The following RAB2A variants were observed in gnomAD, a reference collection of about 807,000 sequenced individuals.
RAB2A encodes RAB2A, member RAS oncogene family, also known as ras-related protein Rab-2A.
Under a neutral mutation model 32.5 loss-of-function variants are expected in RAB2A, and 7 were observed. The ratio of observed to expected loss-of-function variants is 0.22; its 90% CI spans 0.12 to 0.40. RAB2A has a LOEUF of 0.40. Ranked by LOEUF, RAB2A falls within the 10% of genes least tolerant of loss-of-function variation. The probability of loss-of-function intolerance (pLI) is 1.00; values close to 1 mark genes in which losing one functional copy is unlikely to be tolerated. For synonymous variants in RAB2A, 79 were observed against 85.2 expected (o/e 0.93, Z 0.40); for missense variants, 108 against 260.7 (o/e 0.41, Z 4.03).
chr8:60,562,672 ATATT>A (rs1160351742), intron 2 of RAB2A, among the ~76,000 whole-genome samples: 1 of 152,238 alleles, frequency 6.6e-6, no homozygotes, highest in Admixed American at 6.5e-5. Flanking sequence ...AGCAAACAGA[ATATT>A]TAGGATCATA....
intron 6 of RAB2A, among the ~76,000 whole-genome samples, chr8:60,603,441 A>G (rs1375149142): frequency 6.6e-6 from 1 of 152,246 alleles, no homozygotes; most frequent in Middle Eastern, 3.2e-3. Flanking sequence ...GTTGCTGGAA[A>G]TAAGTTTACT....
At chr8:60,586,972 C>G (rs183049228) in intron 5 of RAB2A, among the ~76,000 whole-genome samples, 251 of 149,786 alleles carry the variant, frequency 1.7e-3, no homozygotes, top group African/African-American at 5.7e-3. Flanking sequence ...TAACCCTAAT[C>G]AAACTATCAA....
intron 1 of RAB2A, among the ~76,000 whole-genome samples, chr8:60,524,736 G>A (rs1490698603): frequency 1.3e-5 from 2 of 152,188 alleles, no homozygotes; most frequent in African/African-American, 4.8e-5. Flanking sequence ...CCAGACATCA[G>A]TATTTTTAAA....
intron 6 of RAB2A, among the ~76,000 whole-genome samples, chr8:60,592,513 TTTAA>T (rs1301158143): frequency 6.6e-6 from 1 of 151,034 alleles, no homozygotes; most frequent in Non-Finnish European, 1.5e-5. Flanking sequence ...TGCTTATTTT[TTTAA>T]TTTTATTTAT....
At chr8:60,568,686 A>G (rs1409595235) in intron 2 of RAB2A, among the ~76,000 whole-genome samples, 1 of 152,216 alleles carries the variant, frequency 6.6e-6, no homozygotes, top group East Asian at 1.9e-4. Flanking sequence ...GTACCTATTC[A>G]GAGTATTTGA....
At position 60,529,055 on chromosome 8, in the gene RAB2A, C is replaced by G. The variant is rs1199782030; in HGVS notation, c.46+11802C>G. On this transcript the variant is annotated intron_variant, in intron 1 of 7. Coordinates refer to ENST00000262646, the MANE Select transcript of RAB2A (RefSeq NM_002865.3). ...TACTCTGAAGTTTTTGTTTTCTTCT[C>G]ATGGCTTCTCTCTTGACCCATTAAG... Among the ~76,000 whole-genome samples, 3 of 152,072 alleles carry G rather than the reference C, an allele frequency of 2.0e-5. No individual in the cohort carries two copies. In the East Asian group the frequency reaches 5.8e-4, roughly 29 times the overall value.
In RAB2A at chr8:60,620,701, C is replaced by T; in HGVS notation, c.571C>T (p.His191Tyr). Residue 191 changes from histidine to tyrosine, a missense_variant, in exon 8 of 8, where the codon CAT becomes TAT. This residue lies in a region of RAB2A where 79 missense variants were observed against 199.8 expected (regional missense o/e 0.40). Coordinates refer to ENST00000262646, the MANE Select transcript of RAB2A (RefSeq NM_002865.3). Reference sequence around the variant, plus strand: ...AAATGGCATTAAAATTGGCCCTCAGCATGCTGCTACCAATGCAACACATGC... The same window carrying T: ...AAATGGCATTAAAATTGGCCCTCAGTATGCTGCTACCAATGCAACACATGC... ...EANGIKIGPQHAATNATHAGN... is the reference protein window; with the variant it reads ...EANGIKIGPQYAATNATHAGN... 1 of 1,613,696 alleles carries T rather than the reference C, an allele frequency of 6.2e-7. No homozygotes were observed. The highest frequency in any genetic ancestry group is 2.2e-5 in the East Asian group (1 of 44,884).
chr8:60,570,293 A>G lies in RAB2A; in HGVS notation c.119-1753A>G, dbSNP rs568992853. ...CCCTGACAATGGAAGGAAAAATAAAATTTTTCTCTCTCTTTCTCATTTGTA... is the reference window on the plus strand; with the variant it reads ...CCCTGACAATGGAAGGAAAAATAAAGTTTTTCTCTCTCTTTCTCATTTGTA... On this transcript the variant is annotated intron_variant, in intron 2 of 7. Coordinates refer to ENST00000262646, the MANE Select transcript of RAB2A (RefSeq NM_002865.3). Among the ~76,000 whole-genome samples, 389 of 152,142 alleles carry G rather than the reference A, an allele frequency of 2.6e-3. 2 individuals are homozygous for G. Among genetic ancestry groups the G allele is most frequent in the African/African-American group, 9.2e-3 (382 of 41,498 alleles).
At chr8:60,556,464 A>G (rs1474272171) in intron 1 of RAB2A, among the ~76,000 whole-genome samples, 1 of 141,134 alleles carries the variant, frequency 7.1e-6, no homozygotes, top group South Asian at 2.1e-4. Flanking sequence ...ACTCTTATAA[A>G]TAAGTACAAT....
At chr8:60,530,151 T>C (rs948497181) in intron 1 of RAB2A, among the ~76,000 whole-genome samples, 10 of 145,900 alleles carry the variant, frequency 6.9e-5, no homozygotes, top group East Asian at 2.0e-4. Context: ...TTTCTTTTTT[T>C]TTTTTTTTTT....
chr8:60,542,477 CT>C (rs1348596800), intron 1 of RAB2A, among the ~76,000 whole-genome samples: 1 of 151,720 alleles, frequency 6.6e-6, no homozygotes. Flanking sequence ...GATCGCGCCA[CT>C]GTACTCCTGC....
At chr8:60,592,521 T>A (rs1410146915) in intron 6 of RAB2A, among the ~76,000 whole-genome samples, 1 of 152,182 alleles carries the variant, frequency 6.6e-6, no homozygotes, top group Non-Finnish European at 1.5e-5. Context: ...TTTTTAATTT[T>A]ATTTATTTTT....
At chr8:60,606,769 T>C (rs949431071) in intron 6 of RAB2A, among the ~76,000 whole-genome samples, 3 of 152,212 alleles carry the variant, frequency 2.0e-5, no homozygotes, top group Non-Finnish European at 2.9e-5. Flanking sequence ...CTGGGCCTTT[T>C]TGAGCTGCAG....
chr8:60,535,192 C>T (rs1256200686), intron 1 of RAB2A, among the ~76,000 whole-genome samples: 1 of 152,146 alleles, frequency 6.6e-6, no homozygotes, highest in African/African-American at 2.4e-5. Context: ...ATCAGATTGA[C>T]ATTTAAAGTA....
At chr8:60,534,930 G>C (rs191738479) in intron 1 of RAB2A, among the ~76,000 whole-genome samples, 4 of 149,602 alleles carry the variant, frequency 2.7e-5, no homozygotes, top group African/African-American at 9.9e-5. Flanking sequence ...TTTTTTTCTT[G>C]CTTGGCCTTT....
intron 5 of RAB2A, among the ~76,000 whole-genome samples, chr8:60,587,134 A>T (rs2130850821): frequency 6.6e-6 from 1 of 152,246 alleles, no homozygotes. Flanking sequence ...TTATTATACT[A>T]TAGTCAATTT....
chr8:60,549,011 G>A (rs1228894830), intron 1 of RAB2A, among the ~76,000 whole-genome samples: 1 of 150,100 alleles, frequency 6.7e-6, no homozygotes, highest in Non-Finnish European at 1.5e-5. Context: ...GGGGCGGCAG[G>A]GCAGAGGTGC....
chr8:60,619,704 A>G lies in RAB2A; in HGVS notation c.544-970A>G, dbSNP rs2128714. On this transcript the variant is annotated intron_variant, in intron 7 of 7. Transcript: ENST00000262646. ...TTGAACAGTAATTGGGCCTCTATCT[A>G]AAAGGGCACATTCATTGTTTCTGTC... Among the ~76,000 whole-genome samples, 1,242 of 152,334 alleles carry G rather than the reference A, an allele frequency of 8.2e-3. 19 individuals carry two copies. Among genetic ancestry groups the G allele is most frequent in the African/African-American group, 0.028 (1,149 of 41,568 alleles).
chr8:60,553,436 GCCAAACTGATGCATCAAAAAGAC>G (rs891163957), intron 1 of RAB2A, among the ~76,000 whole-genome samples: 6 of 152,290 alleles, frequency 3.9e-5, no homozygotes, highest in Non-Finnish European at 8.8e-5. Context: ...GTAGGGCCTA[GCCAAACTGATGCATCAAAAAGAC>G]CGTCATTTTG....
Sources: allele counts gnomAD v4.1 joint callset (sites outside exome capture counted in the v4.1 genomes callset), GRCh38; gene constraint gnomAD v4.1.1; regional missense constraint gnomAD v4.1.1; transcripts MANE v1.5; gene names NCBI Gene and HGNC (gene_info 2026-07-23, HGNC 2026-07-21).